MDGA2: variants seen among roughly 807,000 people sequenced by gnomAD.
MDGA2 encodes MAM domain containing glycosylphosphatidylinositol anchor 2.
Under a neutral mutation model 117.8 loss-of-function variants are expected in MDGA2, and 40 were observed. That is an observed-to-expected ratio of 0.34 (90% CI 0.26 to 0.44). The LOEUF (loss-of-function observed/expected upper bound fraction) is 0.44, where lower values mean the gene tolerates loss of function less well. Among genes scored for constraint, MDGA2 ranks in the 20% least tolerant of loss-of-function variants. The pLI, the probability that MDGA2 is intolerant of heterozygous loss-of-function variation, is 1.00. For missense variants in MDGA2, 1,123 were observed against 1,250.6 expected (o/e 0.90, Z 1.54); for synonymous variants, 452 against 439.0 (o/e 1.03, Z -0.37).
chr14:47,480,417 ATCT>A (rs1342890586), intron 1 of MDGA2, among the ~76,000 whole-genome samples: 2 of 152,026 alleles, frequency 1.3e-5, no homozygotes, highest in African/African-American at 4.8e-5. Flanking sequence ...TTAACGATTT[ATCT>A]ACAATAAAGC....
chr14:47,018,331 T>G (rs2138570537), intron 8 of MDGA2, among the ~76,000 whole-genome samples: 1 of 152,188 alleles, frequency 6.6e-6, no homozygotes, highest in South Asian at 2.1e-4. Context: ...AGTAAAGATC[T>G]CACTCAGATG....
intron 6 of MDGA2, among the ~76,000 whole-genome samples, chr14:47,064,667 T>C (rs1594582194): frequency 1.3e-5 from 2 of 152,072 alleles, no homozygotes; most frequent in South Asian, 4.1e-4. Context: ...TAGAAGGTGA[T>C]AGAGTTAGGC....
chr14:47,356,381 C>A (rs532720330), intron 1 of MDGA2, among the ~76,000 whole-genome samples: 46 of 152,254 alleles, frequency 3.0e-4, no homozygotes, highest in Non-Finnish European at 5.4e-4. Flanking sequence ...TAAAATGAAC[C>A]CTGTCTTTTC....
chr14:47,144,367 C>T (rs1882849131), intron 3 of MDGA2, 93 bp from the exon 4 acceptor site: 1 of 825,590 alleles, frequency 1.2e-6, no homozygotes, highest in Admixed American at 2.8e-5. Context: ...AATGCATATT[C>T]CTCATTGATT....
intron 15 of MDGA2, among the ~76,000 whole-genome samples, chr14:46,851,135 C>A (rs1288032543): frequency 1.3e-5 from 2 of 151,760 alleles, no homozygotes; most frequent in Admixed American, 1.3e-4. Context: ...TTTCTCAAAA[C>A]CTGTTTCTAA....
chr14:47,640,153 T>C (rs1231238627), intron 1 of MDGA2, among the ~76,000 whole-genome samples: 1 of 152,160 alleles, frequency 6.6e-6, no homozygotes, highest in Non-Finnish European at 1.5e-5. Context: ...CATATATTTC[T>C]CCATCTCCTC....
chr14:47,503,201 T>C (rs979156721), intron 1 of MDGA2, among the ~76,000 whole-genome samples: 1 of 152,102 alleles, frequency 6.6e-6, no homozygotes, highest in African/African-American at 2.4e-5. Context: ...TATAAATCTG[T>C]TTTAAAATCT....
chr14:47,122,530 G>A (rs1241966252), intron 5 of MDGA2, among the ~76,000 whole-genome samples: 1 of 151,976 alleles, frequency 6.6e-6, no homozygotes, highest in East Asian at 1.9e-4. Flanking sequence ...TATTCGGAGT[G>A]AATAAGTAAT....
intron 8 of MDGA2, among the ~76,000 whole-genome samples, chr14:47,034,804 A>T (rs980530850): frequency 6.6e-6 from 1 of 152,102 alleles, no homozygotes; most frequent in African/African-American, 2.4e-5. Flanking sequence ...GTATAAGCTC[A>T]TGCAAAAAGC....
chr14:47,072,112 G>GGCGC (rs1555349485), intron 6 of MDGA2, among the ~76,000 whole-genome samples: 2 of 106,952 alleles, frequency 1.9e-5, no homozygotes, highest in Non-Finnish European at 4.0e-5. Context: ...GGGGGGGGGG[G>GGCGC]GGTTTGCAGG....
At chr14:47,253,747 G>A (rs1566704470) in intron 2 of MDGA2, among the ~76,000 whole-genome samples, 1 of 152,202 alleles carries the variant, frequency 6.6e-6, no homozygotes, top group Non-Finnish European at 1.5e-5. Context: ...GTGCCCCCAT[G>A]GAGACTCTGT....
intron 5 of MDGA2, among the ~76,000 whole-genome samples, chr14:47,098,851 C>T (rs183974020): frequency 5.3e-4 from 81 of 151,914 alleles, no homozygotes; most frequent in Middle Eastern, 3.4e-3. Context: ...ACATTAAGTC[C>T]GGGAATATTT....
At chr14:46,936,540 C>T (rs1884788381) in intron 9 of MDGA2, among the ~76,000 whole-genome samples, 1 of 152,016 alleles carries the variant, frequency 6.6e-6, no homozygotes, top group African/African-American at 2.4e-5. Flanking sequence ...ATCTCACTTA[C>T]AATATATTAG....
intron 3 of MDGA2, among the ~76,000 whole-genome samples, chr14:47,151,822 A>G (rs934837296): frequency 1.3e-5 from 2 of 151,808 alleles, no homozygotes; most frequent in Admixed American, 6.6e-5. Context: ...ATATATTTCT[A>G]TGTGTATAGG....
At chr14:47,369,436 G>T (rs1891298102) in intron 1 of MDGA2, among the ~76,000 whole-genome samples, 1 of 152,022 alleles carries the variant, frequency 6.6e-6, no homozygotes, top group Non-Finnish European at 1.5e-5. Flanking sequence ...TTTTAAGATT[G>T]ACACTATTTC....
chr14:47,656,164 A>G (rs1322214153), intron 1 of MDGA2, among the ~76,000 whole-genome samples: 4 of 152,216 alleles, frequency 2.6e-5, no homozygotes, highest in Non-Finnish European at 5.9e-5. Flanking sequence ...CCAAGTCATA[A>G]GATCAAGTAG....
At chr14:46,976,681 C>A (rs1435420692) in intron 8 of MDGA2, among the ~76,000 whole-genome samples, 1 of 151,928 alleles carries the variant, frequency 6.6e-6, no homozygotes, top group East Asian at 1.9e-4. Flanking sequence ...AGTTTGCTGT[C>A]TTCATTGTTT....
chr14:46,891,579 A>C (rs1201370903), intron 10 of MDGA2, among the ~76,000 whole-genome samples: 1 of 148,066 alleles, frequency 6.8e-6, no homozygotes, highest in East Asian at 1.9e-4. Context: ...AATCGTGATT[A>C]AGTAAATTAT....
chr14:46,906,232 C>T (rs1249857892), intron 10 of MDGA2, among the ~76,000 whole-genome samples: 5 of 151,442 alleles, frequency 3.3e-5, no homozygotes, highest in Non-Finnish European at 5.9e-5. Flanking sequence ...ACAATGTATA[C>T]CCCCAAAATG....
Sources: allele counts gnomAD v4.1 joint callset (sites outside exome capture counted in the v4.1 genomes callset), GRCh38; gene constraint gnomAD v4.1.1; transcripts MANE v1.5; gene names NCBI Gene and HGNC (gene_info 2026-07-23, HGNC 2026-07-21).